The following MLLT6 variants were observed in gnomAD, a reference collection of about 807,000 sequenced individuals.
The protein encoded by MLLT6 is protein AF-17.
MLLT6 carries 22 observed loss-of-function variants against 103.0 expected under a neutral mutation model. The ratio of observed to expected loss-of-function variants is 0.21; its 90% CI spans 0.15 to 0.31. The LOEUF (loss-of-function observed/expected upper bound fraction) is 0.31, where lower values mean the gene tolerates loss of function less well. Ranked by LOEUF, MLLT6 falls within the 10% of genes least tolerant of loss-of-function variation. The pLI is 1.00. For missense variants in MLLT6, 1,199 were observed against 1,441.7 expected, an observed-to-expected ratio of 0.83 and a Z score of 2.73; for synonymous variants, 606 against 623.5, an observed-to-expected ratio of 0.97 and a Z score of 0.42.
chr17:38,719,461 G>A lies in MLLT6; in HGVS notation c.1943-56G>A. 2.1e-6 allele frequency: 3 copies of A among 1,460,304 alleles called. No individual in the cohort carries two copies. The South Asian group carries it at 3.6e-5, about 18-fold the overall frequency. 90.5% of individuals were successfully genotyped at this position (1,460,304 alleles called of 1,614,324 possible). The stretch of plus-strand genomic sequence containing the variant: ...AATCCCATATCCATCTGGGGGCGGG[G>A]ACCCTGAGGCAGCTACCACTCCTCC... On this transcript the variant is annotated intron_variant, in intron 12 of 19. Coordinates refer to ENST00000621332, the MANE Select transcript of MLLT6 (RefSeq NM_005937.4).
In MLLT6 at chr17:38,705,461, AG is replaced by A; in HGVS notation, c.-170del. 2.3e-6 allele frequency: 1 copy of A among 428,660 alleles called. No homozygotes were observed. Among genetic ancestry groups the A allele is most frequent in the Non-Finnish European group, 4.2e-6 (1 of 237,584 alleles). The allele number at this position is 428,660 out of a possible 1,614,324, so 26.6% of individuals were successfully genotyped here. On this transcript the variant is annotated 5_prime_UTR_variant, in exon 1 of 20. Transcript: ENST00000621332. ...GACAGAGCGAGCGAGGAGGAGGAGG[AG>A]GAGGACGCGGAGGAGGAGGAAGGAG...
At chr17:38,711,750 G>A in intron 6 of MLLT6, 97 bp from the exon 7 acceptor site, 1 of 1,419,138 alleles carries the variant, frequency 7.0e-7, no homozygotes, top group Non-Finnish European at 9.3e-7. Context: ...GGGGCACATG[G>A]GGCTGACCCC....
At position 38,716,703 on chromosome 17, in the gene MLLT6, C is replaced by A. The variant is rs751928399; in HGVS notation, c.1373C>A (p.Thr458Asn). Residue 458 changes from threonine (T) to asparagine (N), a missense_variant, in exon 10 of 20, where the codon ACC becomes AAC. Thr to Asn is a moderately conservative substitution (Grantham distance 65). Around this residue, in one of 7 missense-constraint regions of MLLT6, gnomAD observed 1,034 missense variants for 1,091.5 expected, o/e 0.95. Coordinates refer to ENST00000621332, the MANE Select transcript of MLLT6 (RefSeq NM_005937.4). This position sits in a 1 kb window ranked among gnomAD's most constrained non-coding sequence, Gnocchi z 5.6. ...GCCACCCCTGTGCCTGCTGATGAGA[C>A]CCCTGAGACAGGCCTGAAGGAGAAG... ...LSATPVPADE[T>N]PETGLKEKKH... 4.3e-6 allele frequency: 7 copies of A among 1,612,102 alleles called. 1 individual carries two copies. In the Admixed American group the frequency reaches 8.4e-5, roughly 19 times the overall value.
Position 38,709,166 on chromosome 17 carries a change from C to G in MLLT6, c.355-7C>G. The G allele has an allele frequency of 6.2e-7, 1 of 1,608,840 alleles. No individual in the cohort carries two copies. The highest frequency in any genetic ancestry group is 8.5e-7 in the Non-Finnish European group (1 of 1,178,002). Reference sequence around the variant, plus strand: ...GGAGGAGGGGACGATTGCGCTGTGTCCTGCAGACCTGTTACATCTGCGAGG... The same window carrying G: ...GGAGGAGGGGACGATTGCGCTGTGTGCTGCAGACCTGTTACATCTGCGAGG... On this transcript the variant is annotated splice_polypyrimidine_tract_variant and splice_region_variant and intron_variant, in intron 4 of 19. Transcript: ENST00000621332. This position sits in a 1 kb window ranked among gnomAD's most constrained non-coding sequence, Gnocchi z 4.3.
At chr17:38,711,456 C>T (rs1038453853) in intron 6 of MLLT6, among the ~76,000 whole-genome samples, 3 of 152,014 alleles carry the variant, frequency 2.0e-5, no homozygotes, top group African/African-American at 4.8e-5. Context: ...TGGCTCCCCA[C>T]GAGGGTCCCC....
Position 38,716,026 on chromosome 17 carries a change from A to AG in MLLT6, c.1036+202dup. On this transcript the variant is annotated intron_variant, in intron 9 of 19. Coordinates refer to ENST00000621332, the MANE Select transcript of MLLT6 (RefSeq NM_005937.4). This position sits in a 1 kb window ranked among gnomAD's most constrained non-coding sequence, Gnocchi z 5.6. Reference sequence around the variant, plus strand: ...GAACCAGAACTCTCCTCTCCCCTTCAGGGGCCACCCCACCAACCTCATAAC... The same window carrying AG: ...GAACCAGAACTCTCCTCTCCCCTTCAGGGGGCCACCCCACCAACCTCATAAC... 1 of 623,874 alleles carries AG rather than the reference A, an allele frequency of 1.6e-6. No homozygotes were observed. Among genetic ancestry groups the AG allele is most frequent in the Non-Finnish European group, 2.8e-6 (1 of 357,254 alleles). 38.6% of individuals were successfully genotyped at this position (623,874 alleles called of 1,614,324 possible). A position where few individuals can be genotyped will look rare whatever the true frequency, so the allele number is the denominator to read the frequency against.
Position 38,705,700 on chromosome 17 carries a change from T to C in MLLT6, c.68T>C (p.Val23Ala). Residue 23 changes from valine (V) to alanine (A), a missense_variant, in exon 1 of 20, where the codon GTC (valine) becomes GCC (alanine). Physicochemically the swap from Val to Ala is moderately conservative, Grantham distance 64. Transcript: ENST00000621332. ...AGGGGCTGGGCCGAGAACCCGCTGG[T>C]CTACTGCGATGGGCACGCGTGCAGC... ...DERGWAENPL[V>A]YCDGHACSVA... 1 of 1,561,690 alleles carries C rather than the reference T, an allele frequency of 6.4e-7. No homozygotes were observed. Among genetic ancestry groups the C allele is most frequent in the South Asian group, 1.2e-5 (1 of 86,806 alleles).
chr17:38,711,764 GA>G, intron 6 of MLLT6, 82 bp from the exon 7 acceptor site: 3 of 1,442,276 alleles, frequency 2.1e-6, no homozygotes, highest in Non-Finnish European at 2.7e-6. Flanking sequence ...TGACCCCCAG[GA>G]TCAGGATCCT....
intron 19 of MLLT6, 103 bp downstream of exon 19, chr17:38,725,079 C>T: frequency 1.1e-6 from 1 of 871,186 alleles, no homozygotes; most frequent in Non-Finnish European, 1.7e-6. Context: ...GGGAAGGAAG[C>T]AACCCCTAGG....
Position 38,716,329 on chromosome 17 carries a change from C to G in MLLT6, c.1037-38C>G. ...CGGGAGTGGGAGGGAGTGCGGGGAT[C>G]TGGGGTCCAGCTGTAACTGTTTCCC... On this transcript the variant is annotated intron_variant, in intron 9 of 19. Transcript: ENST00000621332. This position sits in a 1 kb window ranked among gnomAD's most constrained non-coding sequence, Gnocchi z 5.6. The G allele has an allele frequency of 6.3e-6, 10 of 1,583,416 alleles. No homozygotes were observed. The highest frequency in any genetic ancestry group is 8.6e-6 in the Non-Finnish European group (10 of 1,169,092).
rs3785459 is a variant in MLLT6, at chr17:38,711,019, C to T, written c.553-828C>T. Among the ~76,000 whole-genome samples, 216 of 152,218 alleles carry T rather than the reference C, an allele frequency of 1.4e-3. 9 individuals carry two copies. The East Asian group carries it at 0.035, about 25-fold the overall frequency. Reference sequence around the variant, plus strand: ...AGGTTGTCCACAAGGATGGATCAGGCGGGCCACGAAAGAGGGGGCCTTGCA... The same window carrying T: ...AGGTTGTCCACAAGGATGGATCAGGTGGGCCACGAAAGAGGGGGCCTTGCA... On this transcript the variant is annotated intron_variant, in intron 6 of 19. Coordinates refer to ENST00000621332, the MANE Select transcript of MLLT6 (RefSeq NM_005937.4).
Position 38,721,504 on chromosome 17 carries a change from G to T in MLLT6, c.2443-374G>T, listed in dbSNP as rs79348781. Among the ~76,000 whole-genome samples, 9 of 152,324 alleles carry T rather than the reference G, an allele frequency of 5.9e-5. No homozygotes were observed. In the East Asian group the frequency reaches 1.7e-3, roughly 29 times the overall value. ...TGAACCTGAGCCTTTCACTTTAGCT[G>T]TAGTGCTTTTGCCTGCAGAGTTACT... On this transcript the variant is annotated intron_variant, in intron 16 of 19. Coordinates refer to ENST00000621332, the MANE Select transcript of MLLT6 (RefSeq NM_005937.4).
At position 38,720,610 on chromosome 17, in the gene MLLT6, C is replaced by G. The variant is rs759293117; in HGVS notation, c.2353+41C>G. Reference sequence around the variant, plus strand: ...CCAGCCCGGGAGAGAGGCCCGTGCCCTGAAGTCCGGACTGGCCCTGACTGC... The same window carrying G: ...CCAGCCCGGGAGAGAGGCCCGTGCCGTGAAGTCCGGACTGGCCCTGACTGC... On this transcript the variant is annotated intron_variant, in intron 15 of 19. Coordinates refer to ENST00000621332, the MANE Select transcript of MLLT6 (RefSeq NM_005937.4). 119 of 1,612,926 alleles carry G rather than the reference C, an allele frequency of 7.4e-5. No homozygotes were observed. In the Admixed American group the frequency reaches 1.8e-3, roughly 25 times the overall value.
intron 1 of MLLT6, 177 bp downstream of exon 1, chr17:38,705,918 ATT>A (rs1351677699): frequency 7.3e-6 from 2 of 274,750 alleles, no homozygotes; most frequent in Non-Finnish European, 1.3e-5. Flanking sequence ...CGGGTCAGGC[ATT>A]GTTTTCTTGC....
chr17:38,717,668 C>G lies in MLLT6; in HGVS notation c.1833+55C>G. 2.6e-6 allele frequency: 4 copies of G among 1,561,166 alleles called. No homozygotes were observed. The South Asian group carries it at 3.4e-5, about 13-fold the overall frequency. ...CCTGGGCAGGTTGGGGACAGACTGA[C>G]AGAGGACCCCAGCCTTCCATGGGAA... On this transcript the variant is annotated intron_variant, in intron 11 of 19. Coordinates refer to ENST00000621332, the MANE Select transcript of MLLT6 (RefSeq NM_005937.4).
Position 38,716,220 on chromosome 17 carries a change from C to T in MLLT6, c.1037-147C>T, listed in dbSNP as rs1905336592. 4.7e-6 allele frequency: 4 copies of T among 844,360 alleles called. No individual in the cohort carries two copies. The highest frequency in any genetic ancestry group is 7.2e-6 in the Non-Finnish European group (4 of 552,242). The allele number at this position is 844,360 out of a possible 1,614,324, so 52.3% of individuals were successfully genotyped here. A position where few individuals can be genotyped will look rare whatever the true frequency, so the allele number is the denominator to read the frequency against. On this transcript the variant is annotated intron_variant, in intron 9 of 19. Coordinates refer to ENST00000621332, the MANE Select transcript of MLLT6 (RefSeq NM_005937.4). The surrounding 1 kb of genome is among the most constrained non-coding windows in gnomAD (Gnocchi z 5.6). ...AGCTGGAGGGGTCGGGGGTACTCAT[C>T]CCAGGACACAGACAGTGGCAGAGCT...
chr17:38,724,908 A>C lies in MLLT6; in HGVS notation c.3172A>C (p.Thr1058Pro). 1 of 1,553,874 alleles carries C rather than the reference A, an allele frequency of 6.4e-7. No individual in the cohort carries two copies. The highest frequency in any genetic ancestry group is 8.7e-7 in the Non-Finnish European group (1 of 1,148,630). ...VAAAGGPPVL[T>P]AQTNPFLSLS... ...AGCAGCAGGCGGACCTCCAGTCCTC[A>C]CTGCCCAGACCAACCCCTTCCTCAG... The change falls in exon 19 of 20, where the codon ACT becomes CCT. Residue 1058 changes from threonine (T) to proline (P), a missense_variant. Thr to Pro is a conservative substitution (Grantham distance 38). Coordinates refer to ENST00000621332, the MANE Select transcript of MLLT6 (RefSeq NM_005937.4). This position sits in a 1 kb window ranked among gnomAD's most constrained non-coding sequence, Gnocchi z 5.4.
intron 4 of MLLT6, chr17:38,708,390 T>A (rs1012208747): frequency 6.5e-6 from 1 of 154,286 alleles, no homozygotes; most frequent in Admixed American, 6.5e-5. Flanking sequence ...ACATTTAGGC[T>A]GAGACCTGGG....
At chr17:38,713,259 G>A in intron 8 of MLLT6, 1 of 448,396 alleles carries the variant, frequency 2.2e-6, no homozygotes, top group Admixed American at 3.7e-5. Flanking sequence ...CAGGCCCCTG[G>A]ACAGTATCCC....
Sources: gnomAD v4.1 joint callset for allele counts (sites outside exome capture counted in the v4.1 genomes callset) on GRCh38, gnomAD v4.1.1 for gene constraint, gnomAD v4.1.1 regional missense constraint, Gnocchi (gnomAD v3.1) non-coding constraint, MANE v1.5 for transcripts, NCBI Gene and HGNC (gene_info 2026-07-23, HGNC 2026-07-21) for gene names.